The following ILKAP variants were observed in gnomAD, a reference collection of about 807,000 sequenced individuals.
ILKAP encodes ILK associated serine/threonine phosphatase.
ILKAP carries 11 observed loss-of-function variants against 49.1 expected under a neutral mutation model. The observed-to-expected ratio is 0.22, with a 90% CI of 0.14 to 0.37. The LOEUF (loss-of-function observed/expected upper bound fraction) is 0.37, where lower values mean the gene tolerates loss of function less well. Among genes scored for constraint, ILKAP ranks in the 10% least tolerant of loss-of-function variants. The pLI, the probability that ILKAP is intolerant of heterozygous loss-of-function variation, is 1.00. For missense variants in ILKAP, 363 were observed against 510.8 expected, an observed-to-expected ratio of 0.71 and a Z score of 2.79; for synonymous variants, 186 against 192.8, an observed-to-expected ratio of 0.96 and a Z score of 0.29.
At chr2:238,201,557 T>C (rs1694568595) in intron 1 of ILKAP, among the ~76,000 whole-genome samples, 1 of 152,240 alleles carries the variant, frequency 6.6e-6, no homozygotes, top group East Asian at 1.9e-4. Flanking sequence ...GAAACTGAGT[T>C]TGGAAAAAAC....
chr2:238,201,606 G>A (rs1207512725), intron 1 of ILKAP, among the ~76,000 whole-genome samples: 2 of 152,218 alleles, frequency 1.3e-5, no homozygotes, highest in Non-Finnish European at 1.5e-5. Context: ...TCTGGCAAAA[G>A]GCTGCTAAGG....
In ILKAP at chr2:238,191,045, C is replaced by A. The variant is rs183601502; in HGVS notation, c.179-1073G>T. Among the ~76,000 whole-genome samples, 18 of 152,314 alleles carry A rather than the reference C, an allele frequency of 1.2e-4. No homozygotes were observed. The East Asian group carries it at 2.1e-3, about 18-fold the overall frequency. The stretch of plus-strand genomic sequence containing the variant: ...TCACAGTTTACTGCAGCCTCCAACT[C>A]CTGTGTTCAAGTGATCCTTCCATCT... On this transcript the variant is annotated intron_variant, in intron 3 of 11. Coordinates refer to ENST00000254654, the MANE Select transcript of ILKAP (RefSeq NM_030768.3).
chr2:238,181,549 C>T (rs1345454185), intron 9 of ILKAP, among the ~76,000 whole-genome samples: 2 of 152,064 alleles, frequency 1.3e-5, no homozygotes, highest in African/African-American at 4.8e-5. Flanking sequence ...GTCTTAACTA[C>T]TTCAGATTTT....
In ILKAP at chr2:238,176,163, T is replaced by G. The variant is rs1251469143; in HGVS notation, c.837-2510A>C. ...TTTTTTTTTTTTTTGAGACAGAGTCTCACTCTATTGCCCAGGCTGGAGTGC... is the reference window on the plus strand; with the variant it reads ...TTTTTTTTTTTTTTGAGACAGAGTCGCACTCTATTGCCCAGGCTGGAGTGC... On this transcript the variant is annotated intron_variant, in intron 9 of 11. Transcript: ENST00000254654. Among the ~76,000 whole-genome samples the G allele has an allele frequency of 2.7e-5, 3 of 110,812 alleles. No individual in the cohort carries two copies. The Admixed American group carries it at 3.6e-4, about 13-fold the overall frequency. 72.7% of individuals were successfully genotyped at this position (110,812 alleles called of 152,430 possible).
At chr2:238,182,251 G>A in intron 8 of ILKAP, 65 bp from the exon 9 acceptor site, 17 of 1,564,048 alleles carry the variant, frequency 1.1e-5, no homozygotes, top group Non-Finnish European at 1.5e-5. Context: ...GGTACCAGTT[G>A]AAAAAAACAG....
intron 3 of ILKAP, among the ~76,000 whole-genome samples, chr2:238,190,879 A>T (rs926664593): frequency 3.5e-4 from 8 of 23,140 alleles, no homozygotes; most frequent in Middle Eastern, 0.023. Context: ...TTTCTCTTTA[A>T]AAAAAAAAAA....
intron 1 of ILKAP, among the ~76,000 whole-genome samples, chr2:238,202,942 A>C (rs966606721): frequency 1.3e-5 from 2 of 151,868 alleles, no homozygotes; most frequent in East Asian, 1.9e-4. Flanking sequence ...ATGACAGAGG[A>C]GGCATCCTGT....
intron 9 of ILKAP, among the ~76,000 whole-genome samples, chr2:238,180,125 C>T (rs191703675): frequency 1.3e-5 from 2 of 151,198 alleles, no homozygotes; most frequent in Admixed American, 6.6e-5. Flanking sequence ...GAGCTGTGAT[C>T]GTGCCACTGC....
intron 1 of ILKAP, among the ~76,000 whole-genome samples, chr2:238,195,923 G>C (rs1358052225): frequency 1.3e-5 from 2 of 150,966 alleles, no homozygotes; most frequent in Non-Finnish European, 2.9e-5. Flanking sequence ...GGCGCCTGTA[G>C]TCCAAGCTAC....
At chr2:238,171,740 C>T (rs531745971) in intron 10 of ILKAP, among the ~76,000 whole-genome samples, 9 of 152,190 alleles carry the variant, frequency 5.9e-5, no homozygotes, top group African/African-American at 2.2e-4. Context: ...ATGAGCCCAG[C>T]CTCGGTGAAA....
intron 3 of ILKAP, among the ~76,000 whole-genome samples, chr2:238,193,593 T>G (rs961995753): frequency 5.9e-5 from 9 of 152,250 alleles, no homozygotes; most frequent in African/African-American, 2.2e-4. Context: ...ACTGTGAGTG[T>G]GAGGATGCTG....
chr2:238,183,942 C>A, intron 7 of ILKAP, 78 bp downstream of exon 7: 1 of 1,056,274 alleles, frequency 9.5e-7, no homozygotes, highest in South Asian at 1.3e-5. Flanking sequence ...TAGTGTTAAA[C>A]CACATCAGAA....
chr2:238,173,247 C>T (rs112556295), intron 10 of ILKAP, among the ~76,000 whole-genome samples: 139 of 152,248 alleles, frequency 9.1e-4, no homozygotes, highest in African/African-American at 3.1e-3. Context: ...TGCCAGGAAG[C>T]CCCTTCTCCT....
intron 4 of ILKAP, among the ~76,000 whole-genome samples, chr2:238,189,168 A>C (rs2106336364): frequency 6.6e-6 from 1 of 152,178 alleles, no homozygotes; most frequent in South Asian, 2.1e-4. Flanking sequence ...AATACAAAAA[A>C]CTAGCCAGGC....
chr2:238,182,332 G>C, intron 8 of ILKAP, 146 bp from the exon 9 acceptor site: 1 of 966,104 alleles, frequency 1.0e-6, no homozygotes, highest in Non-Finnish European at 1.5e-6. Flanking sequence ...ATAAACGTAA[G>C]TTCAGAGAAT....
In ILKAP at chr2:238,170,406, A is replaced by G. The variant is rs945496860; in HGVS notation, c.*130T>C. ...CAGTATAATAACTCAAAAGACTAGG[A>G]AAAAAAAAGAGAAACCTTTATTTAC... On this transcript the variant is annotated 3_prime_UTR_variant, in exon 12 of 12. Coordinates refer to ENST00000254654, the MANE Select transcript of ILKAP (RefSeq NM_030768.3). The G allele has an allele frequency of 2.8e-5, 28 of 1,003,776 alleles. No homozygotes were observed. Among genetic ancestry groups the G allele is most frequent in the South Asian group, 1.1e-4 (6 of 54,580 alleles). 62.2% of individuals were successfully genotyped at this position (1,003,776 alleles called of 1,614,324 possible). A position where few individuals can be genotyped will look rare whatever the true frequency, so the allele number is the denominator to read the frequency against.
In ILKAP at chr2:238,170,655, C is replaced by G. The variant is rs1693173264; in HGVS notation, c.1060G>C (p.Glu354Gln). 6.3e-7 allele frequency: 1 copy of G among 1,597,902 alleles called. No individual in the cohort carries two copies. Among genetic ancestry groups the G allele is most frequent in the Admixed American group, 1.7e-5 (1 of 59,458 alleles). ...CGGGCGTCGGCTGCGGACTTCCCTT[C>G]CCGGGTCTGGATCTTTTCATCCTAC... ...CLEDEKIQTREGKSAADARYE... is the reference protein window; with the variant it reads ...CLEDEKIQTRQGKSAADARYE... The change falls in exon 12 of 12, where the codon GAA becomes CAA. Residue 354 changes from glutamate (E) to glutamine (Q), a missense_variant. By Grantham distance (29) the Glu-to-Gln change is conservative (BLOSUM62 2). This residue lies in a region of ILKAP where 83 missense variants were observed against 87.5 expected (regional missense o/e 0.95). Transcript: ENST00000254654.
rs1342938136 is a variant in ILKAP, at chr2:238,182,178, C to T, written c.723G>A (p.Leu241=). ...IANLGDSRAI[L]CRYNEESQKH... ...TTTGACTCTCCTCATTATAACGACA[C>T]AAGATTGCCTGGGAAGATGGAGATT... Residue 241 remains leucine, a synonymous_variant, in exon 9 of 12, where the codon TTG becomes TTA. Coordinates refer to ENST00000254654, the MANE Select transcript of ILKAP (RefSeq NM_030768.3). 1.9e-6 allele frequency: 3 copies of T among 1,613,478 alleles called. No homozygotes were observed. Among genetic ancestry groups the T allele is most frequent in the East Asian group, 2.2e-5 (1 of 44,870 alleles).
chr2:238,176,321 T>C (rs1240151158), intron 9 of ILKAP, among the ~76,000 whole-genome samples: 4 of 151,940 alleles, frequency 2.6e-5, no homozygotes, highest in Non-Finnish European at 4.4e-5. Context: ...TTAGTAGAGA[T>C]GGGGTTTCAC....
Sources: gnomAD v4.1 joint callset for allele counts (sites outside exome capture counted in the v4.1 genomes callset) on GRCh38, gnomAD v4.1.1 for gene constraint, gnomAD v4.1.1 regional missense constraint, MANE v1.5 for transcripts, NCBI Gene and HGNC (gene_info 2026-07-23, HGNC 2026-07-21) for gene names.